CSNK1E: variants seen among roughly 807,000 people sequenced by gnomAD.
CSNK1E encodes the protein casein kinase 1 epsilon.
CSNK1E carries 17 observed loss-of-function variants against 46.1 expected under a neutral mutation model. The ratio of observed to expected loss-of-function variants is 0.37; its 90% CI spans 0.25 to 0.55. The LOEUF is 0.55. Among genes scored for constraint, CSNK1E ranks in the 20% least tolerant of loss-of-function variants. The pLI is 0.82. For missense variants in CSNK1E, 386 were observed against 595.4 expected, an observed-to-expected ratio of 0.65 and a Z score of 3.66; for synonymous variants, 241 against 242.6, an observed-to-expected ratio of 0.99 and a Z score of 0.06.
At position 38,300,056 on chromosome 22, in the gene CSNK1E, C is replaced by T; in HGVS notation, c.575G>A (p.Arg192His). ...GCCCAGGCTCTCCAGGTCATCTCGA[C>T]GGCTTTGCTCTGCACAGAGAGTCAA... ...INTHLGIEQS[R>H]RDDLESLGYV... The change falls in exon 6 of 11, where the codon CGT (arginine) becomes CAT (histidine). Residue 192 changes from arginine to histidine, a missense_variant. By Grantham distance (29) the Arg-to-His change is conservative. Transcript: ENST00000396832. This position sits in a 1 kb window ranked among gnomAD's most constrained non-coding sequence, Gnocchi z 4.4. 3 of 1,613,880 alleles carry T rather than the reference C, an allele frequency of 1.9e-6. No homozygotes were observed. Among genetic ancestry groups the T allele is most frequent in the Non-Finnish European group, 1.7e-6 (2 of 1,179,946 alleles).
In CSNK1E at chr22:38,300,616, G is replaced by A; in HGVS notation, c.565+108C>T. The A allele has an allele frequency of 9.1e-7, 1 of 1,101,450 alleles. No individual in the cohort carries two copies. The highest frequency in any genetic ancestry group is 1.3e-6 in the Non-Finnish European group (1 of 757,204). The allele number at this position is 1,101,450 out of a possible 1,614,324, so 68.2% of individuals were successfully genotyped here. ...AGACGGGGTGGGGACTTTCTCACTAGAAAAGAGCCTGGGGGCCTCCATCAG... is the reference window on the plus strand; with the variant it reads ...AGACGGGGTGGGGACTTTCTCACTAAAAAAGAGCCTGGGGGCCTCCATCAG... On this transcript the variant is annotated intron_variant, in intron 5 of 10. Transcript: ENST00000396832. This position sits in a 1 kb window ranked among gnomAD's most constrained non-coding sequence, Gnocchi z 4.4.
intron 1 of CSNK1E, among the ~76,000 whole-genome samples, chr22:38,315,834 T>C (rs934393922): frequency 6.6e-6 from 1 of 152,096 alleles, no homozygotes; most frequent in South Asian, 2.1e-4. Context: ...TACATAAATA[T>C]ACTGCACATG....
chr22:38,302,266 G>A, intron 4 of CSNK1E, among the ~76,000 whole-genome samples: 1 of 152,136 alleles, frequency 6.6e-6, no homozygotes, highest in Non-Finnish European at 1.5e-5. Flanking sequence ...CCCATCTTGG[G>A]AGGCCAAGAT....
intron 4 of CSNK1E, among the ~76,000 whole-genome samples, chr22:38,302,450 A>AT (rs1453186989): frequency 6.6e-6 from 1 of 152,198 alleles, no homozygotes; most frequent in African/African-American, 2.4e-5. Context: ...ATCACATTTT[A>AT]AATAAACAAC....
rs186462451 is a variant in CSNK1E at position 38,316,099 on chromosome 22, T to C, written c.-13+1061A>G. On this transcript the variant is annotated intron_variant, in intron 1 of 10. Coordinates refer to ENST00000396832, the MANE Select transcript of CSNK1E (RefSeq NM_152221.3). ...TTCAGTTCTTTTGCTGCTTCTCCCA[T>C]GGGGGAGGGGGGGAGATAAACAAAG... 3.4e-5 allele frequency among the ~76,000 whole-genome samples: 5 copies of C among 145,902 alleles called. No homozygotes were observed. In the East Asian group the frequency reaches 1.0e-3, roughly 30 times the overall value.
At chr22:38,297,228 G>T in intron 7 of CSNK1E, 1 of 741,686 alleles carries the variant, frequency 1.3e-6, no homozygotes, top group Non-Finnish European at 2.5e-6. Context: ...CCAGACGTGG[G>T]AGTGACTATC....
At position 38,297,893 on chromosome 22, in the gene CSNK1E, G is replaced by C. The variant is rs978598291; in HGVS notation, c.885+893C>G. 4.7e-6 allele frequency: 5 copies of C among 1,053,644 alleles called. No homozygotes were observed. The East Asian group carries it at 5.2e-4, about 110-fold the overall frequency. The allele number at this position is 1,053,644 out of a possible 1,614,324, so 65.3% of individuals were successfully genotyped here. A position where few individuals can be genotyped will look rare whatever the true frequency, so the allele number is the denominator to read the frequency against. On this transcript the variant is annotated intron_variant, in intron 7 of 10. Transcript: ENST00000396832. The stretch of plus-strand genomic sequence containing the variant: ...GGCACACCTGGCGACATCAGAAATG[G>C]GGCCCTGGAGTCCAGACCACAGGCC...
At chr22:38,293,979 A>G in intron 9 of CSNK1E, 130 bp downstream of exon 9, 1 of 1,130,876 alleles carries the variant, frequency 8.8e-7, no homozygotes, top group Non-Finnish European at 1.2e-6. Context: ...TCCTGGCTCT[A>G]CAGAAGGGGT....
chr22:38,296,193 A>C, intron 7 of CSNK1E: 1 of 1,020,704 alleles, frequency 9.8e-7, no homozygotes, highest in Non-Finnish European at 1.2e-6. Context: ...GGACGCAAGA[A>C]ACACACAGCA....
intron 7 of CSNK1E, chr22:38,296,234 A>G: frequency 9.2e-7 from 1 of 1,091,860 alleles, no homozygotes; most frequent in Non-Finnish European, 1.1e-6. Flanking sequence ...TTGCCCATAG[A>G]AAACATAAAA....
intron 2 of CSNK1E, among the ~76,000 whole-genome samples, chr22:38,305,251 A>C (rs549344182): frequency 2.6e-5 from 4 of 152,072 alleles, no homozygotes; most frequent in Non-Finnish European, 4.4e-5. Context: ...TAAATGTCAG[A>C]CGGTGGTTCC....
rs1326749701 is a variant in CSNK1E at position 38,300,512 on chromosome 22, C to T, written c.565+212G>A. Among the ~76,000 whole-genome samples the T allele has an allele frequency of 1.3e-5, 2 of 152,318 alleles. No homozygotes were observed. The highest frequency in any genetic ancestry group is 1.9e-4 in the East Asian group (1 of 5,180). On this transcript the variant is annotated intron_variant, in intron 5 of 10. Transcript: ENST00000396832. This position sits in a 1 kb window ranked among gnomAD's most constrained non-coding sequence, Gnocchi z 4.4. ...GAGGAGGAAGCAGGGCCAGGGAAGG[C>T]GCCCGGCACACACAGCTTGGCTTAC...
At chr22:38,310,365 G>A (rs1264316329) in intron 2 of CSNK1E, among the ~76,000 whole-genome samples, 5 of 152,130 alleles carry the variant, frequency 3.3e-5, no homozygotes, top group Admixed American at 1.3e-4. Context: ...GGCCACGGGC[G>A]TGGCCAGCCT....
At position 38,314,151 on chromosome 22, in the gene CSNK1E, G is replaced by T; in HGVS notation, c.7C>A (p.Leu3Ile). Residue 3 changes from leucine (L) to isoleucine (I), a missense_variant, in exon 2 of 11, where the codon CTA becomes ATA. Physicochemically the swap from Leu to Ile is conservative, Grantham distance 5. Around this residue, in one of 2 missense-constraint regions of CSNK1E, gnomAD observed 212 missense variants for 410.2 expected, o/e 0.52. Transcript: ENST00000396832. Reference sequence around the variant, plus strand: ...AGGCGGTACTTGTTCCCCACACGTAGCTCCATGGCTCACTCTTGCTGCAGA... The same window carrying T: ...AGGCGGTACTTGTTCCCCACACGTATCTCCATGGCTCACTCTTGCTGCAGA... Reference protein sequence around the residue: MELRVGNKYRLGR... With the variant: MEIRVGNKYRLGR... 2.1e-5 allele frequency: 34 copies of T among 1,614,008 alleles called. No homozygotes were observed. Among genetic ancestry groups the T allele is most frequent in the Non-Finnish European group, 2.8e-5 (33 of 1,179,916 alleles).
At chr22:38,317,688 G>C (rs2092755899), upstream of CSNK1E, among the ~76,000 whole-genome samples, 1 of 152,076 alleles carries the variant, frequency 6.6e-6, no homozygotes, top group Non-Finnish European at 1.5e-5. Context: ...GGGGGACAGA[G>C]GGAAGAGGAG....
At position 38,302,999 on chromosome 22, in the gene CSNK1E, C is replaced by T. The variant is rs373544722; in HGVS notation, c.198G>A (p.Pro66=). 342 of 1,613,770 alleles carry T rather than the reference C, an allele frequency of 2.1e-4. 4 individuals carry two copies. The East Asian group carries it at 3.2e-3, about 15-fold the overall frequency. Residue 66 remains proline, a synonymous_variant, in exon 4 of 11, where the codon CCG becomes CCA. Transcript: ENST00000396832. ...CCTCAGCTCCGCACCACTTGATGGA[C>T]GGGATCCCCACTGGGGGTCAAGCAG... ...YKMMQGGVGI[P]SIKWCGAEGD... is the part of the protein sequence containing the mutation.
chr22:38,297,597 C>G (rs770600316), intron 7 of CSNK1E: 22 of 997,494 alleles, frequency 2.2e-5, no homozygotes, highest in Non-Finnish European at 2.5e-5. Flanking sequence ...AGAGGCACAC[C>G]AGGATGAAGC....
intron 2 of CSNK1E, among the ~76,000 whole-genome samples, chr22:38,304,921 A>C (rs1190802347): frequency 6.6e-6 from 1 of 152,106 alleles, no homozygotes; most frequent in Non-Finnish European, 1.5e-5. Context: ...CAGGAGTCCG[A>C]GACCAGCCCA....
Position 38,314,062 on chromosome 22 carries a change from C to A in CSNK1E, c.76+20G>T. The A allele has an allele frequency of 6.2e-7, 1 of 1,609,976 alleles. No individual in the cohort carries two copies. Among genetic ancestry groups the A allele is most frequent in the Non-Finnish European group, 8.5e-7 (1 of 1,176,468 alleles). ...CATGGGCTGGCCCCAGGGGCTCCAG[C>A]TGGAGCTAGGAACACTTACCCAGGT... is the stretch of plus-strand genomic sequence containing the variant. On this transcript the variant is annotated intron_variant, in intron 2 of 10. Coordinates refer to ENST00000396832, the MANE Select transcript of CSNK1E (RefSeq NM_152221.3).
Sources: allele counts gnomAD v4.1 joint callset (sites outside exome capture counted in the v4.1 genomes callset), GRCh38; gene constraint gnomAD v4.1.1; regional missense constraint gnomAD v4.1.1; non-coding constraint Gnocchi (gnomAD v3.1); transcripts MANE v1.5; gene names NCBI Gene and HGNC (gene_info 2026-07-23, HGNC 2026-07-21).